Variants in CCDC150 observed in about 807,000 individuals in gnomAD.
CCDC150 encodes coiled-coil domain-containing protein 150.
In CCDC150, 151 loss-of-function variants were observed where a neutral mutation model predicts 156.5. That is an observed-to-expected ratio of 0.97 (90% CI 0.85 to 1.10). The LOEUF (loss-of-function observed/expected upper bound fraction) is 1.10. Ranked by LOEUF, CCDC150 falls within the 50% of genes least tolerant of loss-of-function variation. CCDC150 has a pLI of 0.00. For synonymous variants in CCDC150, 452 were observed against 429.4 expected, an observed-to-expected ratio of 1.05 and a Z score of -0.65; for missense variants, 1,312 against 1,268.1, an observed-to-expected ratio of 1.03 and a Z score of -0.53.
intron 13 of CCDC150, among the ~76,000 whole-genome samples, chr2:196,693,626 C>A (rs1279908453): frequency 6.6e-6 from 1 of 152,066 alleles, no homozygotes; most frequent in African/African-American, 2.4e-5. Flanking sequence ...AATCTTAATG[C>A]CTTTTATTAT....
At chr2:196,707,077 G>T (rs1262917252) in intron 15 of CCDC150, among the ~76,000 whole-genome samples, 2 of 152,232 alleles carry the variant, frequency 1.3e-5, no homozygotes, top group African/African-American at 4.8e-5. Flanking sequence ...GATAGTTTCA[G>T]AAGGAATGGT....
chr2:196,703,585 A>G lies in CCDC150; in HGVS notation c.1695+2405A>G, dbSNP rs193137853. ...TATACATCTTTACAGGCATAAAATA[A>G]CTTTCCCCTTTCTGAAATGAATGAT... On this transcript the variant is annotated intron_variant, in intron 15 of 27. Coordinates refer to ENST00000389175, the MANE Select transcript of CCDC150 (RefSeq NM_001080539.2). Among the ~76,000 whole-genome samples the G allele has an allele frequency of 1.6e-3, 237 of 152,316 alleles. 1 individual carries two copies. The highest frequency in any genetic ancestry group is 2.8e-3 in the Non-Finnish European group (190 of 68,016).
chr2:196,641,133 T>G (rs1692201480), intron 1 of CCDC150, among the ~76,000 whole-genome samples: 1 of 133,214 alleles, frequency 7.5e-6, no homozygotes, highest in Admixed American at 8.0e-5. Context: ...CGGCTAATTT[T>G]TTTTTTATTT....
In CCDC150 at chr2:196,726,045, G is replaced by A; in HGVS notation, c.2502G>A (p.Gln834=). ...HAERIEALRK[Q]FQTERETTKK... Reference sequence around the variant, plus strand: ...AACGCATAGAAGCTCTAAGAAAGCAGTTTCAAACCGAGAGAGAAACTACAA... The same window carrying A: ...AACGCATAGAAGCTCTAAGAAAGCAATTTCAAACCGAGAGAGAAACTACAA... Residue 834 remains glutamine (Q), a synonymous_variant, in exon 22 of 28, where the codon CAG becomes CAA. Transcript: ENST00000389175. 3 of 1,612,352 alleles carry A rather than the reference G, an allele frequency of 1.9e-6. No individual in the cohort carries two copies. The highest frequency in any genetic ancestry group is 2.5e-6 in the Non-Finnish European group (3 of 1,179,180).
Position 196,712,670 on chromosome 2 carries a change from AT to A in CCDC150, c.1804-5del. The A allele has an allele frequency of 6.2e-7, 1 of 1,605,588 alleles. No individual in the cohort carries two copies. The highest frequency in any genetic ancestry group is 1.1e-5 in the South Asian group (1 of 89,268). ...AGGAACAAGTATCTTTGTTTTTTGA[AT>A]TAAAGGCAAACTCAGAACTCAGTGC... is the stretch of plus-strand genomic sequence containing the variant. On this transcript the variant is annotated splice_polypyrimidine_tract_variant and splice_region_variant and intron_variant, in intron 16 of 27. Transcript: ENST00000389175.
chr2:196,691,444 G>A (rs906681094), intron 13 of CCDC150, among the ~76,000 whole-genome samples: 2 of 152,092 alleles, frequency 1.3e-5, no homozygotes, highest in African/African-American at 2.4e-5. Context: ...TTGGGAGGGT[G>A]TATATATCTA....
At chr2:196,643,218 C>A (rs747562712) in intron 1 of CCDC150, among the ~76,000 whole-genome samples, 1 of 152,174 alleles carries the variant, frequency 6.6e-6, no homozygotes, top group Non-Finnish European at 1.5e-5. Flanking sequence ...AATCAGTGTC[C>A]GAGTCACCTC....
chr2:196,664,100 G>A (rs1009715866), intron 5 of CCDC150, among the ~76,000 whole-genome samples: 1 of 151,792 alleles, frequency 6.6e-6, no homozygotes, highest in African/African-American at 2.4e-5. Flanking sequence ...AAAAAAAAAA[G>A]TGTGTTTTTC....
Position 196,701,173 on chromosome 2 carries a change from A to T in CCDC150, c.1688A>T (p.Lys563Ile), listed in dbSNP as rs1407831092. The change falls in exon 15 of 28, where the codon AAA (lysine) becomes ATA (isoleucine). Residue 563 changes from lysine (K) to isoleucine (I), a missense_variant. By Grantham distance (102) the Lys-to-Ile change is moderately radical (BLOSUM62 -3). Transcript: ENST00000389175. ...SKNKLAYENG[K>I]LQIKVKQLEE... Reference sequence around the variant, plus strand: ...AATAAACTGGCCTATGAAAACGGAAAACTCCAGGTATGAGATTTATTTTCT... The same window carrying T: ...AATAAACTGGCCTATGAAAACGGAATACTCCAGGTATGAGATTTATTTTCT... 11 of 1,591,994 alleles carry T rather than the reference A, an allele frequency of 6.9e-6. No homozygotes were observed. Among genetic ancestry groups the T allele is most frequent in the Non-Finnish European group, 9.4e-6 (11 of 1,167,766 alleles).
At chr2:196,687,586 G>A (rs1244647340) in intron 13 of CCDC150, among the ~76,000 whole-genome samples, 1 of 152,176 alleles carries the variant, frequency 6.6e-6, no homozygotes, top group African/African-American at 2.4e-5. Flanking sequence ...TTGCTATGCA[G>A]AAGCTCTTTA....
chr2:196,730,948 G>C lies in CCDC150; in HGVS notation c.3069+3G>C. 6.3e-7 allele frequency: 1 copy of C among 1,590,672 alleles called. No individual in the cohort carries two copies. ...AAGCCAGTGTGGAATCAGAACAGGT[G>C]AGCCAGACCCACGGACATAAAGACT... On this transcript the variant is annotated splice_donor_region_variant and intron_variant, in intron 26 of 27. Transcript: ENST00000389175.
intron 8 of CCDC150, 37 bp downstream of exon 8, chr2:196,669,913 T>C (rs1332867475): frequency 2.0e-6 from 3 of 1,494,990 alleles, no homozygotes; most frequent in Admixed American, 1.9e-5. Flanking sequence ...AGGTGGTCTT[T>C]CCTCTCTTCA....
At chr2:196,671,852 A>G (rs185944587) in intron 8 of CCDC150, among the ~76,000 whole-genome samples, 6 of 152,352 alleles carry the variant, frequency 3.9e-5, no homozygotes, top group East Asian at 1.9e-4. Flanking sequence ...TAAAGCTGCT[A>G]TAAGTATCTG....
intron 13 of CCDC150, among the ~76,000 whole-genome samples, chr2:196,689,861 A>G (rs2125641553): frequency 6.6e-6 from 1 of 152,318 alleles, no homozygotes; most frequent in East Asian, 1.9e-4. Context: ...TTGCCCATTC[A>G]GTATGATATT....
chr2:196,707,062 A>G (rs575528333), intron 15 of CCDC150, among the ~76,000 whole-genome samples: 1 of 152,190 alleles, frequency 6.6e-6, no homozygotes, highest in African/African-American at 2.4e-5. Context: ...TTTTCTATTG[A>G]TTGGGATAGT....
rs192071219 is a variant in CCDC150 at position 196,730,796 on chromosome 2, T to C, written c.2983-63T>C. 2.3e-5 allele frequency: 28 copies of C among 1,242,126 alleles called. No homozygotes were observed. The African/African-American group carries it at 3.4e-4, about 15-fold the overall frequency. 76.9% of individuals were successfully genotyped at this position (1,242,126 alleles called of 1,614,324 possible). A position where few individuals can be genotyped will look rare whatever the true frequency, so the allele number is the denominator to read the frequency against. On this transcript the variant is annotated intron_variant, in intron 25 of 27. Coordinates refer to ENST00000389175, the MANE Select transcript of CCDC150 (RefSeq NM_001080539.2). ...TTTAGTTGCCCATTTATTATAACAGTGAAGCATTTGGTTTCTTATGGTATG... is the reference window on the plus strand; with the variant it reads ...TTTAGTTGCCCATTTATTATAACAGCGAAGCATTTGGTTTCTTATGGTATG...
At chr2:196,656,889 T>C (rs1284840409) in intron 3 of CCDC150, 36 bp downstream of exon 3, 1 of 1,610,788 alleles carries the variant, frequency 6.2e-7, no homozygotes, top group Non-Finnish European at 8.5e-7. Flanking sequence ...TGTGGTCCTG[T>C]ATAGGTGCTT....
intron 10 of CCDC150, 37 bp from the exon 11 acceptor site, chr2:196,676,106 T>C: frequency 6.2e-7 from 1 of 1,609,912 alleles, no homozygotes; most frequent in Non-Finnish European, 8.5e-7. Context: ...AAAGACTTTG[T>C]GGAGCTTCAA....
intron 5 of CCDC150, among the ~76,000 whole-genome samples, chr2:196,663,898 G>A (rs1693692508): frequency 6.6e-6 from 1 of 151,996 alleles, no homozygotes; most frequent in South Asian, 2.1e-4. Flanking sequence ...AAAAGGAATA[G>A]CATTCTCTGC....
Sources: allele counts gnomAD v4.1 joint callset (sites outside exome capture counted in the v4.1 genomes callset), GRCh38; gene constraint gnomAD v4.1.1; transcripts MANE v1.5; gene names NCBI Gene and HGNC (gene_info 2026-07-23, HGNC 2026-07-21).